The following MYCBP2 variants were observed in gnomAD, a reference collection of about 807,000 sequenced individuals.
MYCBP2 encodes the protein E3 ubiquitin-protein ligase MYCBP2.
MYCBP2 carries 120 observed loss-of-function variants against 525.3 expected under a neutral mutation model. That is an observed-to-expected ratio of 0.23 (90% CI 0.20 to 0.27). The LOEUF (loss-of-function observed/expected upper bound fraction) is 0.27, where lower values mean the gene tolerates loss of function less well. MYCBP2 is among the 10% of genes least tolerant of loss of function. The probability of loss-of-function intolerance (pLI) is 1.00; values close to 1 mark genes in which losing one functional copy is unlikely to be tolerated. For missense variants in MYCBP2, 4,149 were observed against 5,657.1 expected (o/e 0.73, Z 8.55); for synonymous variants, 1,894 against 1,955.8 (o/e 0.97, Z 0.83).
rs57406466 is a variant in MYCBP2 at position 77,245,851 on chromosome 13, T to TAC, written c.2382-1902_2382-1901dup. Among the ~76,000 whole-genome samples, 299 of 150,036 alleles carry TAC rather than the reference T, an allele frequency of 2.0e-3. 1 individual carries two copies. The highest frequency in any genetic ancestry group is 6.6e-3 in the African/African-American group (269 of 40,660). On this transcript the variant is annotated intron_variant, in intron 15 of 82. Coordinates refer to ENST00000544440, the MANE Select transcript of MYCBP2 (RefSeq NM_015057.5). ...ACATATATATGTATATATATATGTA[T>TAC]ACACACACACACACATATATATACA...
intron 65 of MYCBP2, among the ~76,000 whole-genome samples, chr13:77,079,168 C>T (rs1041466471): frequency 2.0e-5 from 3 of 152,152 alleles, no homozygotes; most frequent in African/African-American, 7.2e-5. Context: ...ATTCAGATTC[C>T]TTCCTCATGA....
intron 22 of MYCBP2, among the ~76,000 whole-genome samples, 195 bp downstream of exon 22, chr13:77,211,761 G>C (rs1423220125): frequency 6.6e-6 from 1 of 152,152 alleles, no homozygotes; most frequent in Non-Finnish European, 1.5e-5. Context: ...GTGGTTTCCA[G>C]ATCTCCCAAT....
intron 2 of MYCBP2, 76 bp downstream of exon 2, chr13:77,296,522 AT>A (rs137984313): frequency 0.011 from 15,510 of 1,444,338 alleles, 107 homozygotes; most frequent in Non-Finnish European, 0.013. Flanking sequence ...GTTTAATTAT[AT>A]TTTTTAATCT....
chr13:77,098,592 A>G lies in MYCBP2; in HGVS notation c.8562T>C (p.Ser2854=). The G allele has an allele frequency of 6.2e-7, 1 of 1,613,712 alleles. No homozygotes were observed. Among genetic ancestry groups the G allele is most frequent in the South Asian group, 1.1e-5 (1 of 91,062 alleles). Reference sequence around the variant, plus strand: ...CAAGCTTTGTCTTAACAGGAGCAGTACTTTTTTGAGGTAGATTTTTATCAT... The same window carrying G: ...CAAGCTTTGTCTTAACAGGAGCAGTGCTTTTTTGAGGTAGATTTTTATCAT... The part of the protein sequence containing the change: ...SPHDKNLPQK[S]TAPVKTKLDP... Residue 2854 remains serine, a synonymous_variant, in exon 56 of 83, where the codon AGT becomes AGC. Transcript: ENST00000544440.
At chr13:77,252,572 T>C (rs990233308) in intron 14 of MYCBP2, among the ~76,000 whole-genome samples, 1 of 152,202 alleles carries the variant, frequency 6.6e-6, no homozygotes, top group Non-Finnish European at 1.5e-5. Context: ...ATCTAAGTTA[T>C]GAGGTTAAGT....
chr13:77,198,989 G>C (rs1157082599), intron 26 of MYCBP2, among the ~76,000 whole-genome samples: 3 of 152,126 alleles, frequency 2.0e-5, no homozygotes, highest in Admixed American at 6.5e-5. Flanking sequence ...ACAGAATTTT[G>C]ATTTTTTTAA....
intron 2 of MYCBP2, among the ~76,000 whole-genome samples, chr13:77,295,641 C>A (rs2154365856): frequency 6.6e-6 from 1 of 152,302 alleles, no homozygotes; most frequent in Middle Eastern, 3.4e-3. Flanking sequence ...GTTTCTTTAA[C>A]TCAAAGTGAA....
At position 77,166,626 on chromosome 13, in the gene MYCBP2, G is replaced by C. The variant is rs548219890; in HGVS notation, c.6115-72C>G. 5.7e-5 allele frequency: 51 copies of C among 889,850 alleles called. 1 individual carries two copies. The South Asian group carries it at 9.5e-4, about 17-fold the overall frequency. The allele number at this position is 889,850 out of a possible 1,614,324, so 55.1% of individuals were successfully genotyped here. On this transcript the variant is annotated intron_variant, in intron 40 of 82. Coordinates refer to ENST00000544440, the MANE Select transcript of MYCBP2 (RefSeq NM_015057.5). The stretch of plus-strand genomic sequence containing the variant: ...CAAACATACACATCTGCATCTGTAT[G>C]TGTGTGTGTGTCTATGCTTTTATTA...
chr13:77,314,815 T>C (rs1273257488), intron 1 of MYCBP2, among the ~76,000 whole-genome samples: 1 of 152,062 alleles, frequency 6.6e-6, no homozygotes, highest in Non-Finnish European at 1.5e-5. Flanking sequence ...AAAATGCCAC[T>C]CTGGTGGGGG....
chr13:77,181,977 C>A, intron 32 of MYCBP2, 55 bp from the exon 33 acceptor site: 1 of 1,379,198 alleles, frequency 7.3e-7, no homozygotes, highest in South Asian at 1.2e-5. Flanking sequence ...TCAGTATAAT[C>A]TAAGTTTCTG....
chr13:77,264,097 C>A, intron 8 of MYCBP2, 95 bp from the exon 9 acceptor site: 1 of 895,192 alleles, frequency 1.1e-6, no homozygotes, highest in South Asian at 1.7e-5. Context: ...GAGTTCTCCA[C>A]GCAATAAGGA....
At chr13:77,278,694 A>G in intron 4 of MYCBP2, 64 bp downstream of exon 4, 1 of 1,342,182 alleles carries the variant, frequency 7.5e-7, no homozygotes, top group Non-Finnish European at 9.7e-7. Context: ...TTTGAAGTGT[A>G]CAATACTCTA....
At chr13:77,215,931 C>G (rs535669395) in intron 21 of MYCBP2, among the ~76,000 whole-genome samples, 5 of 152,232 alleles carry the variant, frequency 3.3e-5, no homozygotes, top group African/African-American at 1.2e-4. Flanking sequence ...TATATGCATA[C>G]CAGAGATCCA....
chr13:77,245,433 G>C (rs2069688949), intron 15 of MYCBP2, among the ~76,000 whole-genome samples: 1 of 152,060 alleles, frequency 6.6e-6, no homozygotes, highest in Non-Finnish European at 1.5e-5. Context: ...CCATAAAAAA[G>C]AATGAGTTCG....
In MYCBP2 at chr13:77,044,904, T is replaced by G. The variant is rs1039164553; in HGVS notation, c.*474A>C. ...TTATATGCTGTCCTAACACAATGTT[T>G]TTTTTTTTTTTAAATAACAGTCTAG... is the stretch of plus-strand genomic sequence containing the variant. On this transcript the variant is annotated 3_prime_UTR_variant, in exon 83 of 83. Coordinates refer to ENST00000544440, the MANE Select transcript of MYCBP2 (RefSeq NM_015057.5). 2.5e-5 allele frequency: 10 copies of G among 400,172 alleles called. No individual in the cohort carries two copies. Among genetic ancestry groups the G allele is most frequent in the Admixed American group, 2.2e-4 (5 of 23,072 alleles). 24.8% of individuals were successfully genotyped at this position (400,172 alleles called of 1,614,324 possible).
At chr13:77,253,850 T>C (rs1192425043) in intron 14 of MYCBP2, among the ~76,000 whole-genome samples, 1 of 151,946 alleles carries the variant, frequency 6.6e-6, no homozygotes, top group East Asian at 1.9e-4. Context: ...ATTGTTACAA[T>C]CTCTTTCAAG....
intron 1 of MYCBP2, among the ~76,000 whole-genome samples, chr13:77,298,666 C>A (rs2078451185): frequency 6.6e-6 from 1 of 152,180 alleles, no homozygotes; most frequent in Admixed American, 6.5e-5. Context: ...GCATTTAAAG[C>A]ATCTCTAGCC....
chr13:77,104,089 A>G (rs2047486283), intron 55 of MYCBP2, among the ~76,000 whole-genome samples: 1 of 152,086 alleles, frequency 6.6e-6, no homozygotes, highest in South Asian at 2.1e-4. Context: ...AAACATCTCT[A>G]TCTGAATTTA....
intron 18 of MYCBP2, among the ~76,000 whole-genome samples, chr13:77,231,266 A>C (rs1299487783): frequency 6.6e-6 from 1 of 152,140 alleles, no homozygotes; most frequent in African/African-American, 2.4e-5. Flanking sequence ...AGCAAACTTG[A>C]AGACTAGCTA....
Sources: gnomAD v4.1 joint callset for allele counts (sites outside exome capture counted in the v4.1 genomes callset) on GRCh38, gnomAD v4.1.1 for gene constraint, MANE v1.5 for transcripts, NCBI Gene and HGNC (gene_info 2026-07-23, HGNC 2026-07-21) for gene names.